Variants in BMPR1A observed in about 807,000 individuals in gnomAD.
BMPR1A encodes the protein bone morphogenetic protein receptor type-1A.
Under a neutral mutation model 66.0 loss-of-function variants are expected in BMPR1A, and 7 were observed. That is an observed-to-expected ratio of 0.11 (90% CI 0.06 to 0.20). The LOEUF is 0.20. Ranked by LOEUF, BMPR1A falls within the 10% of genes least tolerant of loss-of-function variation. The probability of loss-of-function intolerance (pLI) is 1.00; values close to 1 mark genes in which losing one functional copy is unlikely to be tolerated. For synonymous variants in BMPR1A, 200 were observed against 229.7 expected, an observed-to-expected ratio of 0.87 and a Z score of 1.17; for missense variants, 408 against 669.1, an observed-to-expected ratio of 0.61 and a Z score of 4.31.
intron 2 of BMPR1A, among the ~76,000 whole-genome samples, chr10:86,865,460 C>G (rs1842773110): frequency 6.6e-6 from 1 of 152,150 alleles, no homozygotes; most frequent in Admixed American, 6.5e-5. Context: ...TTTATCTACC[C>G]AAATCCTATA....
chr10:86,827,509 G>A (rs1204384502), intron 1 of BMPR1A, among the ~76,000 whole-genome samples: 2 of 152,094 alleles, frequency 1.3e-5, no homozygotes, highest in African/African-American at 2.4e-5. Flanking sequence ...ATTCTTTTGC[G>A]TGGCTCATGG....
intron 1 of BMPR1A, among the ~76,000 whole-genome samples, chr10:86,800,349 C>A (rs1841794099): frequency 6.6e-6 from 1 of 152,130 alleles, no homozygotes; most frequent in Admixed American, 6.5e-5. Flanking sequence ...GTGATAGTCT[C>A]ATGTTCCTAT....
intron 1 of BMPR1A, among the ~76,000 whole-genome samples, chr10:86,826,671 TAGG>T (rs539490804): frequency 1.8e-4 from 27 of 152,144 alleles, no homozygotes; most frequent in Non-Finnish European, 3.7e-4. Flanking sequence ...TATATTACAT[TAGG>T]AGAAGTAATT....
intron 1 of BMPR1A, among the ~76,000 whole-genome samples, chr10:86,833,737 G>A (rs1842305190): frequency 6.6e-6 from 1 of 152,176 alleles, no homozygotes; most frequent in Non-Finnish European, 1.5e-5. Flanking sequence ...CTGGGCTGAG[G>A]TATAAATTTA....
intron 3 of BMPR1A, among the ~76,000 whole-genome samples, chr10:86,886,295 A>T (rs960268063): frequency 6.6e-6 from 1 of 152,152 alleles, no homozygotes; most frequent in East Asian, 1.9e-4. Flanking sequence ...TTGTGGAGCC[A>T]TTGATTGGTT....
At chr10:86,771,072 C>G (rs1206099743) in intron 1 of BMPR1A, among the ~76,000 whole-genome samples, 1 of 152,188 alleles carries the variant, frequency 6.6e-6, no homozygotes, top group African/African-American at 2.4e-5. Flanking sequence ...ATTCTCAATA[C>G]TATTTTAGCA....
At chr10:86,820,449 GAT>G (rs1028888232) in intron 1 of BMPR1A, among the ~76,000 whole-genome samples, 1 of 150,924 alleles carries the variant, frequency 6.6e-6, no homozygotes, top group Non-Finnish European at 1.5e-5. Context: ...CCACCTCAAA[GAT>G]CACTGTATGA....
At chr10:86,786,270 T>A (rs1841516717) in intron 1 of BMPR1A, among the ~76,000 whole-genome samples, 1 of 152,198 alleles carries the variant, frequency 6.6e-6, no homozygotes, top group Admixed American at 6.5e-5. Flanking sequence ...AAAACTTCTC[T>A]GAACTCCATT....
chr10:86,771,383 A>C (rs112569535), intron 1 of BMPR1A, among the ~76,000 whole-genome samples: 10,150 of 152,326 alleles, frequency 0.067, 421 homozygotes, highest in Non-Finnish European at 0.076. Context: ...AATAAAATAT[A>C]AGATTGAGAT....
intron 2 of BMPR1A, among the ~76,000 whole-genome samples, chr10:86,869,428 G>T (rs1589754239): frequency 7.0e-6 from 1 of 143,642 alleles, no homozygotes; most frequent in Non-Finnish European, 1.5e-5. Flanking sequence ...CTGCAGTCCA[G>T]CCTGGGCTAC....
intron 1 of BMPR1A, among the ~76,000 whole-genome samples, chr10:86,822,021 C>T (rs1720351366): frequency 2.0e-5 from 3 of 152,188 alleles, no homozygotes; most frequent in South Asian, 4.1e-4. Context: ...AGGCTGGTCT[C>T]GAACTGCATG....
At chr10:86,761,293 T>C (rs944922742) in intron 1 of BMPR1A, among the ~76,000 whole-genome samples, 1 of 152,204 alleles carries the variant, frequency 6.6e-6, no homozygotes. Context: ...GTTACTCTTT[T>C]ATAGTTTTAT....
At chr10:86,807,136 G>A (rs1212923887) in intron 1 of BMPR1A, among the ~76,000 whole-genome samples, 2 of 152,024 alleles carry the variant, frequency 1.3e-5, no homozygotes, top group Admixed American at 6.6e-5. Flanking sequence ...ATACTGGGGT[G>A]TCATTGGTTC....
At chr10:86,859,930 T>A (rs1179652040) in intron 2 of BMPR1A, among the ~76,000 whole-genome samples, 1 of 152,236 alleles carries the variant, frequency 6.6e-6, no homozygotes, top group Non-Finnish European at 1.5e-5. Flanking sequence ...TACAGTTTTA[T>A]CAGCCCAAAC....
intron 2 of BMPR1A, among the ~76,000 whole-genome samples, chr10:86,863,793 A>T (rs1277716178): frequency 6.6e-6 from 1 of 152,166 alleles, no homozygotes; most frequent in Non-Finnish European, 1.5e-5. Flanking sequence ...TGCTTAGTGT[A>T]AGAGCCTCTA....
intron 1 of BMPR1A, among the ~76,000 whole-genome samples, chr10:86,776,989 C>T (rs149948263): frequency 2.0e-3 from 307 of 152,342 alleles, no homozygotes; most frequent in Middle Eastern, 0.014. Flanking sequence ...ACTTTACTGG[C>T]TCATGCCTTC....
At chr10:86,890,614 A>C (rs1843135091) in intron 4 of BMPR1A, among the ~76,000 whole-genome samples, 1 of 151,992 alleles carries the variant, frequency 6.6e-6, no homozygotes. Flanking sequence ...TTTTTTTTTA[A>C]CTATAGACAG....
chr10:86,777,745 G>A (rs190656470), intron 1 of BMPR1A, among the ~76,000 whole-genome samples: 5 of 152,118 alleles, frequency 3.3e-5, no homozygotes, highest in Admixed American at 1.3e-4. Flanking sequence ...CAGGCGCAGT[G>A]GCTCATGCCT....
chr10:86,831,237 C>T (rs770104453), intron 1 of BMPR1A, among the ~76,000 whole-genome samples: 40 of 152,320 alleles, frequency 2.6e-4, no homozygotes, highest in Non-Finnish European at 5.1e-4. Flanking sequence ...CAGATGTACG[C>T]ATGCGAGTAC....
Sources: gnomAD v4.1 joint callset for allele counts (sites outside exome capture counted in the v4.1 genomes callset) on GRCh38, gnomAD v4.1.1 for gene constraint, MANE v1.5 for transcripts, NCBI Gene and HGNC (gene_info 2026-07-23, HGNC 2026-07-21) for gene names.